Variants in ARHGAP18 observed in about 807,000 individuals in gnomAD.
ARHGAP18 encodes the protein Rho GTPase activating protein 18, also known as rho GTPase-activating protein 18.
Under a neutral mutation model 86.2 loss-of-function variants are expected in ARHGAP18, and 67 were observed. That is an observed-to-expected ratio of 0.78 (90% confidence interval 0.64 to 0.95). The LOEUF (loss-of-function observed/expected upper bound fraction) is 0.95, where lower values mean the gene tolerates loss of function less well. Among genes scored for constraint, ARHGAP18 ranks in the 40% least tolerant of loss-of-function variants. The pLI, the probability that ARHGAP18 is intolerant of heterozygous loss-of-function variation, is 0.00. For synonymous variants in ARHGAP18, 283 were observed against 280.4 expected, an observed-to-expected ratio of 1.01 and a Z score of -0.09; for missense variants, 691 against 780.4, an observed-to-expected ratio of 0.89 and a Z score of 1.37.
chr6:129,609,404 C>T (rs1788932144), intron 8 of ARHGAP18, among the ~76,000 whole-genome samples: 1 of 152,120 alleles, frequency 6.6e-6, no homozygotes, highest in Non-Finnish European at 1.5e-5. Context: ...TTCTGCCAGC[C>T]TTCTCGTTGC....
At chr6:129,639,273 A>AT (rs1424708998) in intron 2 of ARHGAP18, among the ~76,000 whole-genome samples, 1 of 152,240 alleles carries the variant, frequency 6.6e-6, no homozygotes, top group East Asian at 1.9e-4. Flanking sequence ...AAAACACTGA[A>AT]AGCAGGAAAT....
rs1158639345 is a variant in ARHGAP18, at chr6:129,625,512, T to A, written c.786+3841A>T. ...TTATATATAATATATATTTTATATA[T>A]CATATATATTATAACTATACATTAT... On this transcript the variant is annotated intron_variant, in intron 5 of 14. Coordinates refer to ENST00000368149, the MANE Select transcript of ARHGAP18 (RefSeq NM_033515.3). 7.0e-5 allele frequency among the ~76,000 whole-genome samples: 3 copies of A among 43,008 alleles called. 1 individual carries two copies. The highest frequency in any genetic ancestry group is 3.0e-4 in the African/African-American group (3 of 9,992). The allele number at this position is 43,008 out of a possible 152,430, so 28.2% of individuals were successfully genotyped here. A position where few individuals can be genotyped will look rare whatever the true frequency, so the allele number is the denominator to read the frequency against.
intron 5 of ARHGAP18, 141 bp downstream of exon 5, chr6:129,629,212 C>T (rs1773126532): frequency 1.3e-6 from 1 of 761,284 alleles, no homozygotes; most frequent in Non-Finnish European, 1.9e-6. Context: ...AGTGAGGCCT[C>T]ATCTTTCTCT....
intron 9 of ARHGAP18, among the ~76,000 whole-genome samples, chr6:129,606,213 C>A (rs1364588695): frequency 6.6e-6 from 1 of 152,180 alleles, no homozygotes; most frequent in Non-Finnish European, 1.5e-5. Context: ...CTTATGTTTG[C>A]AGACACACAA....
chr6:129,628,602 A>G (rs1024669664), intron 5 of ARHGAP18, among the ~76,000 whole-genome samples: 1 of 152,202 alleles, frequency 6.6e-6, no homozygotes, highest in African/African-American at 2.4e-5. Context: ...GATACCATGC[A>G]TCTCTTCTGA....
At chr6:129,640,438 T>C (rs1231888263) in intron 2 of ARHGAP18, among the ~76,000 whole-genome samples, 1 of 152,212 alleles carries the variant, frequency 6.6e-6, no homozygotes, top group East Asian at 1.9e-4. Flanking sequence ...GCTACTTCCA[T>C]CTTGAAACAT....
chr6:129,700,907 T>TTACAC (rs1183781222), intron 1 of ARHGAP18, among the ~76,000 whole-genome samples: 3 of 151,778 alleles, frequency 2.0e-5, no homozygotes, highest in Non-Finnish European at 4.4e-5. Flanking sequence ...CTCCTCCCAC[T>TTACAC]TACACTCATT....
intron 1 of ARHGAP18, among the ~76,000 whole-genome samples, chr6:129,707,839 C>T (rs1172570832): frequency 6.6e-6 from 1 of 151,826 alleles, no homozygotes; most frequent in Non-Finnish European, 1.5e-5. Flanking sequence ...TTTGTTTTTA[C>T]TTTTTGGAGA....
At chr6:129,583,091 A>G (rs1393782472) in intron 13 of ARHGAP18, among the ~76,000 whole-genome samples, 2 of 152,250 alleles carry the variant, frequency 1.3e-5, no homozygotes, top group African/African-American at 4.8e-5. Context: ...GTGCTTTAGC[A>G]GAAAGCTTGA....
intron 1 of ARHGAP18, among the ~76,000 whole-genome samples, chr6:129,648,678 G>A (rs1229867203): frequency 6.6e-6 from 1 of 151,048 alleles, no homozygotes; most frequent in East Asian, 2.0e-4. Context: ...ACTTTGTTTT[G>A]TAAATTTTGA....
chr6:129,668,517 C>T (rs1296802596), intron 1 of ARHGAP18, among the ~76,000 whole-genome samples: 1 of 152,148 alleles, frequency 6.6e-6, no homozygotes, highest in Non-Finnish European at 1.5e-5. Flanking sequence ...CCATCTGGTC[C>T]CGATTCTTCA....
chr6:129,633,366 C>G (rs939649567), intron 4 of ARHGAP18, among the ~76,000 whole-genome samples: 3 of 144,660 alleles, frequency 2.1e-5, no homozygotes, highest in Non-Finnish European at 4.5e-5. Flanking sequence ...ATCTGGGAGG[C>G]AGAGGTTGCA....
chr6:129,667,503 G>GTGTGTGTGTA (rs548429421), intron 1 of ARHGAP18, among the ~76,000 whole-genome samples: 20,630 of 145,150 alleles, frequency 0.14, 1,556 homozygotes, highest in Non-Finnish European at 0.17. Context: ...GTGTGTGTGT[G>GTGTGTGTGTA]TGTTGTGTAT....
chr6:129,641,984 T>C lies in ARHGAP18; in HGVS notation c.148A>G (p.Ser50Gly). Residue 50 changes from serine (S) to glycine (G), a missense_variant, in exon 2 of 15, where the codon AGC (serine) becomes GGC (glycine). Coordinates refer to ENST00000368149, the MANE Select transcript of ARHGAP18 (RefSeq NM_033515.3). ...RYGQYTMNQE[S>G]TTIKVMEKPP... ...TTCTCCATAACTTTGATGGTGGTGCTTTCCTGGTTCATAGTGTACTGGCCA... is the reference window on the plus strand; with the variant it reads ...TTCTCCATAACTTTGATGGTGGTGCCTTCCTGGTTCATAGTGTACTGGCCA... The C allele has an allele frequency of 6.2e-7, 1 of 1,614,018 alleles. No individual in the cohort carries two copies. The highest frequency in any genetic ancestry group is 8.5e-7 in the Non-Finnish European group (1 of 1,179,932).
At chr6:129,703,455 T>C (rs1183963202) in intron 1 of ARHGAP18, among the ~76,000 whole-genome samples, 1 of 152,220 alleles carries the variant, frequency 6.6e-6, no homozygotes, top group Non-Finnish European at 1.5e-5. Context: ...AAGTAATAAA[T>C]GTGCCGTGGA....
intron 12 of ARHGAP18, among the ~76,000 whole-genome samples, chr6:129,585,882 T>G (rs1479913781): frequency 6.6e-6 from 1 of 152,206 alleles, no homozygotes; most frequent in Non-Finnish European, 1.5e-5. Flanking sequence ...AATTCCTGCT[T>G]CATCTTTCCA....
intron 1 of ARHGAP18, among the ~76,000 whole-genome samples, chr6:129,699,320 T>A (rs1317615719): frequency 6.6e-6 from 1 of 152,150 alleles, no homozygotes; most frequent in Admixed American, 6.5e-5. Flanking sequence ...GGCATATTTA[T>A]TGGAGTATAC....
At chr6:129,581,648 C>T (rs371994008) in intron 13 of ARHGAP18, among the ~76,000 whole-genome samples, 7 of 152,100 alleles carry the variant, frequency 4.6e-5, no homozygotes, top group African/African-American at 1.4e-4. Flanking sequence ...ACAAATTCAT[C>T]GTTAAAGGCA....
intron 1 of ARHGAP18, among the ~76,000 whole-genome samples, chr6:129,692,522 T>C (rs1774545590): frequency 6.6e-6 from 1 of 152,150 alleles, no homozygotes; most frequent in African/African-American, 2.4e-5. Flanking sequence ...TATGAAAGCA[T>C]ACAGACAAAA....
Sources: gnomAD v4.1 joint callset for allele counts (sites outside exome capture counted in the v4.1 genomes callset) on GRCh38, gnomAD v4.1.1 for gene constraint, MANE v1.5 for transcripts, NCBI Gene and HGNC (gene_info 2026-07-23, HGNC 2026-07-21) for gene names.